DZIP3: variants seen among roughly 807,000 people sequenced by gnomAD.
The protein encoded by DZIP3 is E3 ubiquitin-protein ligase DZIP3.
DZIP3 carries 118 observed loss-of-function variants against 162.0 expected under a neutral mutation model. The observed-to-expected ratio is 0.73, with a 90% CI of 0.63 to 0.85. DZIP3 has a LOEUF of 0.85. Ranked by LOEUF, DZIP3 falls within the 40% of genes least tolerant of loss-of-function variation. The pLI, the probability that DZIP3 is intolerant of heterozygous loss-of-function variation, is 0.00. For missense variants in DZIP3, 1,331 were observed against 1,407.0 expected (o/e 0.95, Z 0.86); for synonymous variants, 438 against 458.6 (o/e 0.96, Z 0.57).
chr3:108,594,880 A>G (rs915909195), intron 1 of DZIP3, among the ~76,000 whole-genome samples: 7 of 152,168 alleles, frequency 4.6e-5, no homozygotes, highest in Non-Finnish European at 8.8e-5. Flanking sequence ...TTCACAGCAG[A>G]AAGTAAAGGC....
chr3:108,608,039 GTTC>G lies in DZIP3; in HGVS notation c.33-47_33-45del, dbSNP rs1940477990. ...TAGATTCTTTACTACTACAATTTGT[GTTC>G]TTTGTGAGAAGATGCTCTTAATATA... On this transcript the variant is annotated intron_variant, in intron 2 of 32. Coordinates refer to ENST00000361582, the MANE Select transcript of DZIP3 (RefSeq NM_014648.4). The G allele has an allele frequency of 2.1e-6, 3 of 1,451,980 alleles. No individual in the cohort carries two copies. The South Asian group carries it at 3.5e-5, about 17-fold the overall frequency. 89.9% of individuals were successfully genotyped at this position (1,451,980 alleles called of 1,614,324 possible).
intron 5 of DZIP3, among the ~76,000 whole-genome samples, chr3:108,617,071 C>A (rs1941057421): frequency 6.6e-6 from 1 of 152,124 alleles, no homozygotes; most frequent in African/African-American, 2.4e-5. Context: ...GCTGAACTCA[C>A]AGAAGCAGAG....
chr3:108,594,777 T>G (rs1260124775), intron 1 of DZIP3, among the ~76,000 whole-genome samples: 2 of 152,192 alleles, frequency 1.3e-5, no homozygotes, highest in Non-Finnish European at 2.9e-5. Flanking sequence ...TCTCGTTCTT[T>G]TTTATGGCTG....
intron 9 of DZIP3, among the ~76,000 whole-genome samples, chr3:108,634,079 A>AT (rs1233722038): frequency 1.3e-5 from 2 of 152,038 alleles, no homozygotes. Flanking sequence ...AAAATAACTG[A>AT]TATCTTAATT....
chr3:108,647,061 A>G (rs575404485), intron 15 of DZIP3, among the ~76,000 whole-genome samples: 36 of 152,280 alleles, frequency 2.4e-4, no homozygotes, highest in African/African-American at 8.4e-4. Flanking sequence ...AACTTGGAAA[A>G]TGATGTGATC....
At chr3:108,643,378 G>A (rs77716225) in intron 13 of DZIP3, among the ~76,000 whole-genome samples, 1,951 of 152,098 alleles carry the variant, frequency 0.013, 50 homozygotes, top group African/African-American at 0.044. Flanking sequence ...TTGAGGGGGT[G>A]AGAAGATGAG....
intron 5 of DZIP3, among the ~76,000 whole-genome samples, chr3:108,621,526 G>A (rs897965776): frequency 3.9e-5 from 6 of 152,108 alleles, no homozygotes; most frequent in African/African-American, 1.4e-4. Context: ...GAAAAAGTAG[G>A]GTTGGTATTT....
rs917897701 is a variant in DZIP3 at position 108,674,318 on chromosome 3, T to G, written c.2693+137T>G. The G allele has an allele frequency of 7.3e-5, 44 of 603,986 alleles. No individual in the cohort carries two copies. In the South Asian group the frequency reaches 1.1e-3, roughly 15 times the overall value. The allele number at this position is 603,986 out of a possible 1,614,324, so 37.4% of individuals were successfully genotyped here. A position where few individuals can be genotyped will look rare whatever the true frequency, so the allele number is the denominator to read the frequency against. The stretch of plus-strand genomic sequence containing the variant: ...AAGAAGCTCTTGTGGTTTTTTTGGG[T>G]TTTTTTTCATTTTTTTCCCCCTGAA... On this transcript the variant is annotated intron_variant, in intron 24 of 32. Coordinates refer to ENST00000361582, the MANE Select transcript of DZIP3 (RefSeq NM_014648.4).
rs1576399773 is a variant in DZIP3, at chr3:108,639,307, A to G, written c.1064+1759A>G. Among the ~76,000 whole-genome samples, 3 of 152,228 alleles carry G rather than the reference A, an allele frequency of 2.0e-5. 1 individual carries two copies. In the East Asian group the frequency reaches 5.8e-4, roughly 29 times the overall value. ...CTGGCACATAGCTAGGCCACAATAA[A>G]TACAAAGTAGAGATTCTGGATTCCA... On this transcript the variant is annotated intron_variant, in intron 12 of 32. Coordinates refer to ENST00000361582, the MANE Select transcript of DZIP3 (RefSeq NM_014648.4).
chr3:108,600,072 C>G (rs1421667834), intron 1 of DZIP3, among the ~76,000 whole-genome samples: 1 of 152,126 alleles, frequency 6.6e-6, no homozygotes, highest in East Asian at 1.9e-4. Flanking sequence ...CTGCCATGTT[C>G]TTTGAAAGTG....
chr3:108,657,255 A>T (rs1196718397), intron 19 of DZIP3, among the ~76,000 whole-genome samples: 1 of 152,168 alleles, frequency 6.6e-6, no homozygotes, highest in African/African-American at 2.4e-5. Flanking sequence ...CGGGTTACCC[A>T]CAAAGGGAAG....
chr3:108,607,261 A>G (rs1368972834), intron 2 of DZIP3, among the ~76,000 whole-genome samples: 2 of 152,214 alleles, frequency 1.3e-5, no homozygotes, highest in Non-Finnish European at 2.9e-5. Context: ...TTACCCCAAC[A>G]AAATCAATTA....
chr3:108,654,851 A>G (rs2107251798), intron 19 of DZIP3, among the ~76,000 whole-genome samples: 1 of 152,300 alleles, frequency 6.6e-6, no homozygotes, highest in East Asian at 1.9e-4. Context: ...CAAATGAAAT[A>G]ATTTTTTAAA....
chr3:108,664,448 A>G (rs549919811), intron 21 of DZIP3, among the ~76,000 whole-genome samples: 1 of 152,250 alleles, frequency 6.6e-6, no homozygotes, highest in East Asian at 1.9e-4. Context: ...TCCAAGTTCC[A>G]CTGGGGAGAA....
At chr3:108,591,758 G>T (rs767172829) in intron 1 of DZIP3, among the ~76,000 whole-genome samples, 10 of 152,258 alleles carry the variant, frequency 6.6e-5, no homozygotes, top group Admixed American at 1.3e-4. Flanking sequence ...CAGTTTTTTG[G>T]GAGACTAAGG....
Position 108,670,015 on chromosome 3 carries a change from C to A in DZIP3, c.2492+266C>A, listed in dbSNP as rs1191498801. ...AAAGTTACAGTCCCAGAGCAAACTA[C>A]TGCCAGAGATTAGACCTTAAGAGTT... On this transcript the variant is annotated intron_variant, in intron 22 of 32. Transcript: ENST00000361582. Among the ~76,000 whole-genome samples, 5 of 152,052 alleles carry A rather than the reference C, an allele frequency of 3.3e-5. No homozygotes were observed. The East Asian group carries it at 9.7e-4, about 29-fold the overall frequency.
At chr3:108,653,485 T>A (rs1942954701) in intron 18 of DZIP3, among the ~76,000 whole-genome samples, 1 of 133,040 alleles carries the variant, frequency 7.5e-6, no homozygotes, top group Admixed American at 8.4e-5. Context: ...TAGAAATTGG[T>A]TAATTGCCAT....
chr3:108,688,657 A>T lies in DZIP3; in HGVS notation c.3335A>T (p.Asp1112Val), dbSNP rs757679338. 1 of 1,614,148 alleles carries T rather than the reference A, an allele frequency of 6.2e-7. No individual in the cohort carries two copies. Among genetic ancestry groups the T allele is most frequent in the South Asian group, 1.1e-5 (1 of 91,088 alleles). The change falls in exon 30 of 33, where the codon GAT becomes GTT. Residue 1112 changes from aspartate (D) to valine (V), a missense_variant. Asp to Val is a radical substitution (Grantham distance 152). Transcript: ENST00000361582. ...VSPSHSPSQPDAAQPPKPAWR... is the reference protein window; with the variant it reads ...VSPSHSPSQPVAAQPPKPAWR... ...CCTAGTCATTCTCCATCACAGCCTG[A>T]TGCTGCCCAGCCCCCAAAACCAGCC... is the stretch of plus-strand genomic sequence containing the variant.
At chr3:108,626,150 T>G (rs1941580701) in intron 7 of DZIP3, among the ~76,000 whole-genome samples, 181 bp downstream of exon 7, 1 of 152,238 alleles carries the variant, frequency 6.6e-6, no homozygotes, top group South Asian at 2.1e-4. Context: ...AATAGCAAAC[T>G]TAACAGGCCA....
Sources: gnomAD v4.1 joint callset for allele counts (sites outside exome capture counted in the v4.1 genomes callset) on GRCh38, gnomAD v4.1.1 for gene constraint, MANE v1.5 for transcripts, NCBI Gene and HGNC (gene_info 2026-07-23, HGNC 2026-07-21) for gene names.